Variants in COL4A4 observed in about 807,000 individuals in gnomAD.
COL4A4 encodes the protein collagen type IV alpha 4 chain, also known as collagen alpha-4(IV) chain.
A neutral mutation model predicts 192.9 loss-of-function variants in COL4A4; 105 were observed. The ratio of observed to expected loss-of-function variants is 0.54; its 90% CI spans 0.46 to 0.64. The LOEUF (loss-of-function observed/expected upper bound fraction) is 0.64, where lower values mean the gene tolerates loss of function less well. COL4A4 is among the 30% of genes least tolerant of loss of function. COL4A4 has a pLI of 0.00. For missense variants in COL4A4, 1,967 were observed against 2,169.3 expected (o/e 0.91, Z 1.85); for synonymous variants, 762 against 769.9 (o/e 0.99, Z 0.17).
chr2:227,059,080 A>G (rs1331245054), intron 28 of COL4A4, among the ~76,000 whole-genome samples: 1 of 152,136 alleles, frequency 6.6e-6, no homozygotes, highest in Non-Finnish European at 1.5e-5. Flanking sequence ...AGGCCTGCCT[A>G]CCTTCCACCT....
intron 8 of COL4A4, among the ~76,000 whole-genome samples, chr2:227,112,051 A>G (rs1392459663): frequency 6.6e-6 from 1 of 152,036 alleles, no homozygotes; most frequent in Non-Finnish European, 1.5e-5. Flanking sequence ...ACACCTTGCT[A>G]TGCTTTATAA....
chr2:226,996,628 A>G, the COL4A4 span: 1 of 152,264 alleles, frequency 6.6e-6, no homozygotes, highest in Non-Finnish European at 1.5e-5. Context: ...TTTTCTGATT[A>G]TGCACATAAT....
intron 25 of COL4A4, among the ~76,000 whole-genome samples, chr2:227,073,221 C>G (rs181800922): frequency 1.3e-5 from 2 of 152,152 alleles, no homozygotes; most frequent in Admixed American, 1.3e-4. Flanking sequence ...AATCATTGTA[C>G]ATAAATCAGT....
At chr2:227,046,292 G>A (rs1225982573) in intron 35 of COL4A4, among the ~76,000 whole-genome samples, 1 of 150,342 alleles carries the variant, frequency 6.7e-6, no homozygotes, top group Non-Finnish European at 1.5e-5. Context: ...TCTTTCTGTT[G>A]TATGAAATGA....
intron 4 of COL4A4, 33 bp from the exon 5 acceptor site, chr2:227,121,181 C>T (rs1233557035): frequency 3.1e-6 from 5 of 1,610,940 alleles, no homozygotes; most frequent in Non-Finnish European, 4.2e-6. Context: ...AATGGGGGTG[C>T]AATTCTTAAT....
chr2:227,023,165 G>A (rs1411955532), intron 43 of COL4A4, among the ~76,000 whole-genome samples: 1 of 152,040 alleles, frequency 6.6e-6, no homozygotes, highest in African/African-American at 2.4e-5. Context: ...CACAGGCTGG[G>A]CACGGTGGCT....
At position 227,103,159 on chromosome 2, in the gene COL4A4, T is replaced by A. The variant is rs2060621813; in HGVS notation, c.855A>T (p.Gly285=). ...AATAAACTACCTTGCGTCCTGGTGG[T>A]CCTGGCAGTCCAACCATTCCAGGAA... ...KGIPGMVGLP[G]PPGRKGESGI... The change falls in exon 14 of 48, where the codon GGA becomes GGT. Residue 285 remains glycine, a synonymous_variant. Transcript: ENST00000396625. 6.2e-7 allele frequency: 1 copy of A among 1,612,290 alleles called. No homozygotes were observed. Among genetic ancestry groups the A allele is most frequent in the Non-Finnish European group, 8.5e-7 (1 of 1,179,422 alleles).
the COL4A4 span, among the ~76,000 whole-genome samples, chr2:226,968,208 G>A: frequency 2.0e-5 from 3 of 152,148 alleles, no homozygotes; most frequent in African/African-American, 7.2e-5. Flanking sequence ...ACCCAGAGGG[G>A]ATATTACCTG....
chr2:227,042,166 C>G lies in COL4A4; in HGVS notation c.3487G>C (p.Gly1163Arg), dbSNP rs1008548655. 4 of 1,608,758 alleles carry G rather than the reference C, an allele frequency of 2.5e-6. No homozygotes were observed. Among genetic ancestry groups the G allele is most frequent in the Non-Finnish European group, 3.4e-6 (4 of 1,175,154 alleles). ...RGLQGDPGIPGPPGIKGPSGS... is the reference protein window; with the variant it reads ...RGLQGDPGIPRPPGIKGPSGS... ...GACTTACCTTTTATTCCCGGAGGAC[C>G]TGGTATCCCTGGATCCCCCTGGAGG... is the stretch of plus-strand genomic sequence containing the variant. The change falls in exon 37 of 48, where the codon GGT becomes CGT. Residue 1163 changes from glycine (G) to arginine (R), a missense_variant. Coordinates refer to ENST00000396625, the MANE Select transcript of COL4A4 (RefSeq NM_000092.5).
intron 22 of COL4A4, among the ~76,000 whole-genome samples, chr2:227,083,212 G>C (rs761996217): frequency 7.2e-5 from 11 of 152,140 alleles, no homozygotes; most frequent in Non-Finnish European, 1.6e-4. Context: ...CTGGGTGACA[G>C]AGCAAGACTC....
At chr2:227,037,988 T>C (rs1970033518) in intron 37 of COL4A4, among the ~76,000 whole-genome samples, 1 of 152,208 alleles carries the variant, frequency 6.6e-6, no homozygotes, top group East Asian at 1.9e-4. Flanking sequence ...GATGGATAGA[T>C]TGCAAAAATT....
chr2:226,985,103 T>C, the COL4A4 span, among the ~76,000 whole-genome samples: 1 of 152,182 alleles, frequency 6.6e-6, no homozygotes, highest in African/African-American at 2.4e-5. Flanking sequence ...AGATTATGTC[T>C]GTTTATCTCC....
At chr2:227,065,682 A>C (rs1402812898) in intron 25 of COL4A4, among the ~76,000 whole-genome samples, 1 of 152,132 alleles carries the variant, frequency 6.6e-6, no homozygotes, top group Non-Finnish European at 1.5e-5. Context: ...TTAGAAGGAA[A>C]ACTAACAAAC....
At chr2:227,112,330 G>A (rs1313837748) in intron 8 of COL4A4, among the ~76,000 whole-genome samples, 6 of 151,012 alleles carry the variant, frequency 4.0e-5, no homozygotes, top group South Asian at 4.2e-4. Flanking sequence ...GTGCAGTGGC[G>A]CCATCTCCCT....
chr2:227,097,259 AGAGT>A (rs1242863757), intron 19 of COL4A4, among the ~76,000 whole-genome samples: 4 of 152,368 alleles, frequency 2.6e-5, no homozygotes, highest in African/African-American at 9.6e-5. Context: ...TGAAGTCAAT[AGAGT>A]AAGTTGTGAC....
At chr2:227,012,092 GT>G (rs1443523911) in intron 45 of COL4A4, 88 bp downstream of exon 45, 5 of 1,060,564 alleles carry the variant, frequency 4.7e-6, no homozygotes, top group Non-Finnish European at 7.4e-6. Flanking sequence ...ATAGGATCCA[GT>G]TTGGAAAGCC....
At chr2:227,094,560 G>C (rs1477120197) in intron 19 of COL4A4, among the ~76,000 whole-genome samples, 3 of 152,178 alleles carry the variant, frequency 2.0e-5, no homozygotes, top group Admixed American at 6.5e-5. Flanking sequence ...GAGGAATGGA[G>C]TGATGTTGGT....
At chr2:227,104,121 T>C (rs75586446) in intron 12 of COL4A4, 69 bp from the exon 13 acceptor site, 2 of 1,338,158 alleles carry the variant, frequency 1.5e-6, no homozygotes, top group African/African-American at 1.4e-5. Flanking sequence ...CACCCATGTA[T>C]TGTGGTATAA....
chr2:227,024,248 C>T (rs534399178), intron 43 of COL4A4, among the ~76,000 whole-genome samples: 43 of 152,152 alleles, frequency 2.8e-4, no homozygotes, highest in African/African-American at 9.6e-4. Context: ...TGGTGTTTCA[C>T]GCCTGTAATC....
Sources: gnomAD v4.1 joint callset for allele counts (sites outside exome capture counted in the v4.1 genomes callset) on GRCh38, gnomAD v4.1.1 for gene constraint, MANE v1.5 for transcripts, NCBI Gene and HGNC (gene_info 2026-07-23, HGNC 2026-07-21) for gene names.